The following RPS6KC1 variants were observed in gnomAD, a reference collection of about 807,000 sequenced individuals.
RPS6KC1 encodes inactive ribosomal protein S6 kinase delta-1.
Under a neutral mutation model 103.8 loss-of-function variants are expected in RPS6KC1, and 54 were observed. That is an observed-to-expected ratio of 0.52 (90% CI 0.42 to 0.65). The LOEUF (loss-of-function observed/expected upper bound fraction) is 0.65, where lower values mean the gene tolerates loss of function less well. Among genes scored for constraint, RPS6KC1 ranks in the 30% least tolerant of loss-of-function variants. The probability of loss-of-function intolerance (pLI) is 0.00; values close to 1 mark genes in which losing one functional copy is unlikely to be tolerated. For missense variants in RPS6KC1, 1,151 were observed against 1,253.8 expected (o/e 0.92, Z 1.24); for synonymous variants, 439 against 438.7 (o/e 1.00, Z -0.01).
At chr1:213,253,111 A>G (rs1483533864) in intron 12 of RPS6KC1, among the ~76,000 whole-genome samples, 1 of 152,206 alleles carries the variant, frequency 6.6e-6, no homozygotes, top group Non-Finnish European at 1.5e-5. Flanking sequence ...ATTCTCTTCT[A>G]AGAAGATTCT....
chr1:213,230,738 G>T (rs2094078625), intron 9 of RPS6KC1, among the ~76,000 whole-genome samples, 194 bp downstream of exon 9: 1 of 151,008 alleles, frequency 6.6e-6, no homozygotes. Flanking sequence ...GGGAGACTTA[G>T]GCAGGAGAAT....
chr1:213,748,153 T>C, the RPS6KC1 span, among the ~76,000 whole-genome samples: 1 of 152,198 alleles, frequency 6.6e-6, no homozygotes, highest in Non-Finnish European at 1.5e-5. Flanking sequence ...GACTCAGCTA[T>C]GGAACCCAAA....
chr1:213,665,136 A>G, the RPS6KC1 span, among the ~76,000 whole-genome samples: 2 of 152,162 alleles, frequency 1.3e-5, no homozygotes, highest in African/African-American at 4.8e-5. Flanking sequence ...CAATTAAAGC[A>G]TAATGCCAAA....
At chr1:213,579,896 C>T in the RPS6KC1 span, among the ~76,000 whole-genome samples, 1 of 152,030 alleles carries the variant, frequency 6.6e-6, no homozygotes, top group East Asian at 1.9e-4. Flanking sequence ...AAGGTGACTG[C>T]TCATTGACAA....
chr1:213,211,648 T>C (rs1290388706), intron 8 of RPS6KC1, among the ~76,000 whole-genome samples: 2 of 152,228 alleles, frequency 1.3e-5, no homozygotes, highest in East Asian at 1.9e-4. Flanking sequence ...ATAAAAGATA[T>C]TTCTTTGATA....
chr1:213,779,234 G>C, the RPS6KC1 span, among the ~76,000 whole-genome samples: 3 of 152,180 alleles, frequency 2.0e-5, no homozygotes, highest in Non-Finnish European at 4.4e-5. Context: ...ACGGCCCTGA[G>C]TGCCATAAGG....
chr1:213,254,538 T>G (rs2094601184), intron 12 of RPS6KC1, among the ~76,000 whole-genome samples: 1 of 152,194 alleles, frequency 6.6e-6, no homozygotes, highest in Non-Finnish European at 1.5e-5. Flanking sequence ...TGAGAAAGGC[T>G]CATGAGTGCT....
chr1:213,827,671 G>C, the RPS6KC1 span, among the ~76,000 whole-genome samples: 1 of 152,100 alleles, frequency 6.6e-6, no homozygotes, highest in Non-Finnish European at 1.5e-5. Flanking sequence ...CTAGAAAATG[G>C]ATAACCTTAA....
At chr1:213,188,008 G>A (rs1573116241) in intron 8 of RPS6KC1, among the ~76,000 whole-genome samples, 1 of 152,106 alleles carries the variant, frequency 6.6e-6, no homozygotes, top group East Asian at 1.9e-4. Context: ...GGCTGGCAGT[G>A]TGTTAAGGCT....
At chr1:213,071,398 G>T (rs2078865745) in intron 2 of RPS6KC1, among the ~76,000 whole-genome samples, 1 of 152,130 alleles carries the variant, frequency 6.6e-6, no homozygotes, top group African/African-American at 2.4e-5. Flanking sequence ...CAAAGTGCTG[G>T]GATTACAGAC....
chr1:213,516,385 T>A, the RPS6KC1 span, among the ~76,000 whole-genome samples: 1 of 152,196 alleles, frequency 6.6e-6, no homozygotes, highest in African/African-American at 2.4e-5. Flanking sequence ...ATAGCTCTTA[T>A]TATTTTGAGA....
At chr1:213,508,391 C>T in the RPS6KC1 span, among the ~76,000 whole-genome samples, 2 of 152,180 alleles carry the variant, frequency 1.3e-5, no homozygotes, top group South Asian at 2.1e-4. Context: ...AAAATTTGGC[C>T]CCCAGAAAGA....
chr1:213,565,543 G>A, the RPS6KC1 span, among the ~76,000 whole-genome samples: 1 of 152,296 alleles, frequency 6.6e-6, no homozygotes, highest in Admixed American at 6.5e-5. Flanking sequence ...TGCAACTCTA[G>A]CGCAATAAAA....
chr1:213,251,537 C>T (rs896528945), intron 12 of RPS6KC1, among the ~76,000 whole-genome samples: 3 of 152,328 alleles, frequency 2.0e-5, no homozygotes, highest in Non-Finnish European at 4.4e-5. Context: ...AGGCTGCCTT[C>T]ATCTCTTGCC....
chr1:213,069,399 G>A (rs976358155), intron 1 of RPS6KC1, among the ~76,000 whole-genome samples: 14 of 152,296 alleles, frequency 9.2e-5, no homozygotes, highest in African/African-American at 3.4e-4. Context: ...AAATTATAGA[G>A]TTCTTGCTGT....
intron 14 of RPS6KC1, among the ~76,000 whole-genome samples, chr1:213,266,926 A>G (rs868274451): frequency 4.3e-4 from 65 of 151,328 alleles, no homozygotes; most frequent in Middle Eastern, 6.8e-3. Flanking sequence ...AAACAAACAA[A>G]CAAACAAACA....
At chr1:213,763,271 T>C in the RPS6KC1 span, among the ~76,000 whole-genome samples, 36 of 152,306 alleles carry the variant, frequency 2.4e-4, 1 homozygote, top group South Asian at 7.5e-3. Flanking sequence ...CGAGAGTCCC[T>C]TCATTTCTAT....
intron 12 of RPS6KC1, among the ~76,000 whole-genome samples, chr1:213,251,549 G>A (rs1184622382): frequency 6.6e-6 from 1 of 152,138 alleles, no homozygotes; most frequent in South Asian, 2.1e-4. Context: ...TCTCTTGCCT[G>A]GAATAGTGCA....
At chr1:213,118,633 G>T (rs942358440) in intron 5 of RPS6KC1, among the ~76,000 whole-genome samples, 1 of 151,954 alleles carries the variant, frequency 6.6e-6, no homozygotes, top group African/African-American at 2.4e-5. Flanking sequence ...TATTATGTGG[G>T]CTGGTGCACT....
Sources: gnomAD v4.1 joint callset for allele counts (sites outside exome capture counted in the v4.1 genomes callset) on GRCh38, gnomAD v4.1.1 for gene constraint, MANE v1.5 for transcripts, NCBI Gene and HGNC (gene_info 2026-07-23, HGNC 2026-07-21) for gene names.